Variants in ANKS1B observed in about 807,000 individuals in gnomAD.
ANKS1B encodes ankyrin repeat and sterile alpha motif domain containing 1B, also known as ankyrin repeat and sterile alpha motif domain-containing protein 1B.
In ANKS1B, 36 loss-of-function variants were observed where a neutral mutation model predicts 148.3. That is an observed-to-expected ratio of 0.24 (90% CI 0.19 to 0.32). The LOEUF is 0.32. Ranked by LOEUF, ANKS1B falls within the 10% of genes least tolerant of loss-of-function variation. The pLI, the probability that ANKS1B is intolerant of heterozygous loss-of-function variation, is 1.00. For missense variants in ANKS1B, 1,157 were observed against 1,542.6 expected (o/e 0.75, Z 4.19); for synonymous variants, 542 against 560.8 (o/e 0.97, Z 0.47).
intron 10 of ANKS1B, among the ~76,000 whole-genome samples, chr12:99,445,172 A>C (rs1408833194): frequency 6.6e-6 from 1 of 152,034 alleles, no homozygotes; most frequent in Non-Finnish European, 1.5e-5. Flanking sequence ...CCATGAGTCA[A>C]TACTGAAACA....
intron 4 of ANKS1B, among the ~76,000 whole-genome samples, chr12:99,790,717 G>C (rs1393284739): frequency 6.6e-6 from 1 of 152,020 alleles, no homozygotes; most frequent in African/African-American, 2.4e-5. Context: ...TTATAAGGTA[G>C]TATTTGCAAG....
intron 12 of ANKS1B, among the ~76,000 whole-genome samples, chr12:99,248,142 T>C (rs2074105750): frequency 1.3e-5 from 2 of 152,152 alleles, no homozygotes; most frequent in Admixed American, 1.3e-4. Flanking sequence ...ATGGCCAAAA[T>C]ATCGAATTCT....
Position 99,883,914 on chromosome 12 carries a change from T to C in ANKS1B, c.135-58525A>G, listed in dbSNP as rs147256247. ...CTGGGTGACAGAGTGAGACTCTGTC[T>C]CAAAAAATCTGCAAATCATATATCA... On this transcript the variant is annotated intron_variant, in intron 1 of 26. Transcript: ENST00000683438. Among the ~76,000 whole-genome samples the C allele has an allele frequency of 5.0e-3, 758 of 152,116 alleles. 10 individuals are homozygous for C. The highest frequency in any genetic ancestry group is 0.017 in the African/African-American group (709 of 41,494).
chr12:99,481,621 T>A (rs1295153403), intron 10 of ANKS1B, among the ~76,000 whole-genome samples: 2 of 151,960 alleles, frequency 1.3e-5, no homozygotes, highest in Admixed American at 6.6e-5. Context: ...TCCATACTGT[T>A]TTCCACAAAG....
intron 8 of ANKS1B, among the ~76,000 whole-genome samples, chr12:99,728,329 C>A (rs2058811513): frequency 6.6e-6 from 1 of 152,142 alleles, no homozygotes; most frequent in African/African-American, 2.4e-5. Flanking sequence ...TGAACAGACA[C>A]TTCTCAAAAG....
In ANKS1B at chr12:99,732,014, T is replaced by G. The variant is rs182412150; in HGVS notation, c.1128+40908A>C. Among the ~76,000 whole-genome samples, 449 of 152,304 alleles carry G rather than the reference T, an allele frequency of 2.9e-3. 1 individual carries two copies. The highest frequency in any genetic ancestry group is 5.1e-3 in the Non-Finnish European group (350 of 68,018). ...AATGGGCAAAAGTTTGAACAGATAC[T>G]TCATCAAAGAAGATATGAAAAATGG... On this transcript the variant is annotated intron_variant, in intron 8 of 26. Coordinates refer to ENST00000683438, the MANE Select transcript of ANKS1B (RefSeq NM_001352186.2).
At chr12:98,951,326 C>T (rs1486278493) in intron 17 of ANKS1B, among the ~76,000 whole-genome samples, 2 of 152,154 alleles carry the variant, frequency 1.3e-5, no homozygotes, top group African/African-American at 4.8e-5. Flanking sequence ...AAATTAATTT[C>T]CTTTGGAAGA....
chr12:98,759,424 T>C (rs1462204832), intron 25 of ANKS1B, among the ~76,000 whole-genome samples: 1 of 152,138 alleles, frequency 6.6e-6, no homozygotes, highest in East Asian at 1.9e-4. Context: ...AGGAGGCTCA[T>C]GGAGAGACAA....
chr12:99,893,067 C>T (rs1330994487), intron 1 of ANKS1B, among the ~76,000 whole-genome samples: 1 of 152,050 alleles, frequency 6.6e-6, no homozygotes, highest in African/African-American at 2.4e-5. Flanking sequence ...TCTTCTGAGT[C>T]ATTAATTGGT....
chr12:98,957,762 T>C (rs2099864939), intron 17 of ANKS1B, among the ~76,000 whole-genome samples: 1 of 152,210 alleles, frequency 6.6e-6, no homozygotes, highest in South Asian at 2.1e-4. Context: ...CTTAGATTAA[T>C]ATACATAGAT....
intron 1 of ANKS1B, among the ~76,000 whole-genome samples, chr12:99,881,097 TC>T (rs1458427791): frequency 6.6e-6 from 1 of 151,978 alleles, no homozygotes; most frequent in African/African-American, 2.4e-5. Flanking sequence ...TTCCTTAGTA[TC>T]CCCCAGTCTG....
intron 17 of ANKS1B, among the ~76,000 whole-genome samples, chr12:98,915,924 T>C (rs1283371714): frequency 6.6e-6 from 1 of 152,166 alleles, no homozygotes; most frequent in Non-Finnish European, 1.5e-5. Flanking sequence ...CACGTCAGTC[T>C]GTCTCATGAG....
At chr12:98,971,722 G>A (rs2099883292) in intron 17 of ANKS1B, among the ~76,000 whole-genome samples, 1 of 152,170 alleles carries the variant, frequency 6.6e-6, no homozygotes, top group Admixed American at 6.5e-5. Context: ...GAGGGAATGA[G>A]GGTCCTATGT....
At chr12:99,372,277 G>C (rs539832957) in intron 12 of ANKS1B, among the ~76,000 whole-genome samples, 54 of 151,692 alleles carry the variant, frequency 3.6e-4, no homozygotes, top group African/African-American at 1.1e-3. Flanking sequence ...ATTTTGCTGT[G>C]AACCTAAAAA....
intron 9 of ANKS1B, among the ~76,000 whole-genome samples, chr12:99,635,081 G>C (rs988529594): frequency 6.6e-6 from 1 of 152,112 alleles, no homozygotes; most frequent in Non-Finnish European, 1.5e-5. Context: ...CAACCATCAG[G>C]ATGGCTACTA....
intron 17 of ANKS1B, among the ~76,000 whole-genome samples, chr12:98,859,658 T>C (rs1444379832): frequency 1.3e-5 from 2 of 152,226 alleles, no homozygotes; most frequent in Non-Finnish European, 2.9e-5. Context: ...CATTTTAGTT[T>C]ATGAAAATCA....
intron 9 of ANKS1B, among the ~76,000 whole-genome samples, chr12:99,652,016 G>T (rs559169602): frequency 6.7e-6 from 1 of 149,816 alleles, no homozygotes; most frequent in East Asian, 2.0e-4. Context: ...AATATATTTT[G>T]CAATGAAAAT....
chr12:99,751,430 C>A (rs994079880), intron 8 of ANKS1B, among the ~76,000 whole-genome samples: 2 of 151,916 alleles, frequency 1.3e-5, no homozygotes, highest in African/African-American at 4.8e-5. Flanking sequence ...GAAGAATGGT[C>A]CCGCCAGCAT....
intron 10 of ANKS1B, among the ~76,000 whole-genome samples, chr12:99,494,126 G>A (rs1424270304): frequency 3.9e-5 from 6 of 152,236 alleles, no homozygotes; most frequent in Admixed American, 2.6e-4. Flanking sequence ...TGGAGGTGTC[G>A]CCAACCTGTG....
Sources: allele counts gnomAD v4.1 joint callset (sites outside exome capture counted in the v4.1 genomes callset), GRCh38; gene constraint gnomAD v4.1.1; transcripts MANE v1.5; gene names NCBI Gene and HGNC (gene_info 2026-07-23, HGNC 2026-07-21).